COBLL1: variants seen among roughly 807,000 people sequenced by gnomAD.
The protein encoded by COBLL1 is cordon-bleu protein-like 1.
COBLL1 carries 50 observed loss-of-function variants against 94.8 expected under a neutral mutation model. The ratio of observed to expected loss-of-function variants is 0.53; its 90% confidence interval spans 0.42 to 0.67. The LOEUF is 0.67. COBLL1 is among the 30% of genes least tolerant of loss of function. COBLL1 has a pLI of 0.00. For missense variants in COBLL1, 1,362 were observed against 1,348.7 expected, an observed-to-expected ratio of 1.01 and a Z score of -0.15; for synonymous variants, 448 against 473.8, an observed-to-expected ratio of 0.95 and a Z score of 0.71.
rs557323956 is a variant in COBLL1, at chr2:164,810,687, T to C, written c.41+30469A>G. Reference sequence around the variant, plus strand: ...TTACTATTGAATTTTATTCAAGTTCTCTAAAGGGAATTCAGATATCAGAGA... The same window carrying C: ...TTACTATTGAATTTTATTCAAGTTCCCTAAAGGGAATTCAGATATCAGAGA... On this transcript the variant is annotated intron_variant, in intron 2 of 13. Coordinates refer to ENST00000652658, the MANE Select transcript of COBLL1 (RefSeq NM_001365672.2). 3.3e-5 allele frequency among the ~76,000 whole-genome samples: 5 copies of C among 151,892 alleles called. No homozygotes were observed. The East Asian group carries it at 9.6e-4, about 29-fold the overall frequency.
intron 2 of COBLL1, chr2:164,779,701 C>G: frequency 2.1e-6 from 1 of 471,020 alleles, no homozygotes; most frequent in Non-Finnish European, 4.4e-6. Context: ...AAAAAGTCCC[C>G]TTTTAGCTCC....
chr2:164,792,272 G>C (rs972728980), intron 2 of COBLL1, among the ~76,000 whole-genome samples: 1 of 151,952 alleles, frequency 6.6e-6, no homozygotes, highest in African/African-American at 2.4e-5. Flanking sequence ...GGAACTACAG[G>C]TGTGCACCAC....
intron 3 of COBLL1, among the ~76,000 whole-genome samples, chr2:164,740,185 A>G (rs62173941): frequency 0.1 from 15,821 of 152,168 alleles, 1,139 homozygotes; most frequent in Non-Finnish European, 0.15. Context: ...CAACATGGGG[A>G]AATCCCATCT....
At chr2:164,671,719 T>C (rs950520030) in intron 1 of COBLL1, among the ~76,000 whole-genome samples, 4 of 152,102 alleles carry the variant, frequency 2.6e-5, no homozygotes, top group African/African-American at 9.7e-5. Context: ...AAGCACGTTA[T>C]GAAGATTTTT....
At chr2:164,761,119 C>T (rs917135990) in intron 2 of COBLL1, among the ~76,000 whole-genome samples, 2 of 152,000 alleles carry the variant, frequency 1.3e-5, no homozygotes, top group Non-Finnish European at 2.9e-5. Flanking sequence ...TTTAATAATG[C>T]AAATACTGGC....
At chr2:164,791,016 T>C (rs552436989) in intron 2 of COBLL1, among the ~76,000 whole-genome samples, 85 of 152,328 alleles carry the variant, frequency 5.6e-4, no homozygotes, top group Non-Finnish European at 8.5e-4. Context: ...TGCATCTAAA[T>C]TAGTTTCCAT....
Position 164,682,077 on chromosome 2 carries a change from T to A in COBLL1, c.*3869A>T, listed in dbSNP as rs1450232247. On this transcript the variant is annotated 3_prime_UTR_variant, in exon 14 of 14. Coordinates refer to ENST00000652658, the MANE Select transcript of COBLL1 (RefSeq NM_001365672.2). ...TTTCTTCATCATTTGCTACATTTAG[T>A]CATGGGGAAGAACAAATTAGTAATT... is the stretch of plus-strand genomic sequence containing the variant. The A allele has an allele frequency of 6.6e-6, 1 of 152,174 alleles. No homozygotes were observed. Among genetic ancestry groups the A allele is most frequent in the Non-Finnish European group, 1.5e-5 (1 of 68,034 alleles). 9.4% of individuals were successfully genotyped at this position (152,174 alleles called of 1,614,324 possible).
At chr2:164,818,456 G>A (rs1054733293) in intron 2 of COBLL1, among the ~76,000 whole-genome samples, 5 of 148,576 alleles carry the variant, frequency 3.4e-5, no homozygotes, top group Non-Finnish European at 5.9e-5. Flanking sequence ...TATTTACATT[G>A]TATACATATA....
intron 2 of COBLL1, among the ~76,000 whole-genome samples, chr2:164,660,368 T>C (rs1691051520): frequency 1.3e-5 from 2 of 152,164 alleles, no homozygotes; most frequent in African/African-American, 2.4e-5. Flanking sequence ...TGGGGGAAAG[T>C]AGAGTTATTG....
chr2:164,676,293 A>AAC (rs539516352), downstream of COBLL1, among the ~76,000 whole-genome samples: 216 of 151,796 alleles, frequency 1.4e-3, no homozygotes, highest in Admixed American at 2.4e-3. Flanking sequence ...CACACATATA[A>AAC]ACACACACAC....
chr2:164,741,950 G>C (rs1364717657), intron 3 of COBLL1, among the ~76,000 whole-genome samples: 1 of 152,092 alleles, frequency 6.6e-6, no homozygotes, highest in Non-Finnish European at 1.5e-5. Context: ...TGTTTAAAAA[G>C]CTGGTATTCA....
At chr2:164,804,889 C>A (rs1390237656) in intron 2 of COBLL1, among the ~76,000 whole-genome samples, 4 of 152,172 alleles carry the variant, frequency 2.6e-5, no homozygotes, top group Non-Finnish European at 4.4e-5. Flanking sequence ...GACCCACAAA[C>A]TGAGTAACAT....
chr2:164,790,072 A>G (rs1473459509), intron 2 of COBLL1, among the ~76,000 whole-genome samples: 1 of 152,210 alleles, frequency 6.6e-6, no homozygotes. Context: ...ATGTTGTTTC[A>G]TTATAATATT....
intron 12 of COBLL1, 103 bp downstream of exon 12, chr2:164,694,166 T>C (rs1558923840): frequency 1.7e-5 from 19 of 1,094,660 alleles, no homozygotes; most frequent in Non-Finnish European, 2.5e-5. Flanking sequence ...CAGATGAATA[T>C]GAGTTCAGAG....
At chr2:164,730,636 T>C (rs186547950) in intron 3 of COBLL1, among the ~76,000 whole-genome samples, 1 of 152,340 alleles carries the variant, frequency 6.6e-6, no homozygotes, top group East Asian at 1.9e-4. Context: ...TAGATCCTAG[T>C]GTCAGTTCAA....
Position 164,692,320 on chromosome 2 carries a change from T to C in COBLL1, c.3201A>G (p.Arg1067=). ...PTDGPSFTVM[R]QSSLTFQSSD... ...AGCTTTGGAATGTTAAAGAACTTTG[T>C]CTCATAACAGTGAATGATGGGCCAT... Residue 1067 remains arginine, a synonymous_variant, in exon 13 of 14, where the codon AGA becomes AGG. Transcript: ENST00000652658. 1 of 1,613,662 alleles carries C rather than the reference T, an allele frequency of 6.2e-7. No homozygotes were observed. Among genetic ancestry groups the C allele is most frequent in the African/African-American group, 1.3e-5 (1 of 75,022 alleles).
chr2:164,669,341 A>C (rs1343482262), intron 1 of COBLL1, among the ~76,000 whole-genome samples: 3 of 152,218 alleles, frequency 2.0e-5, no homozygotes, highest in Non-Finnish European at 4.4e-5. Flanking sequence ...AGCCTTTTGG[A>C]TGAGATCAAG....
chr2:164,779,661 G>A, intron 2 of COBLL1: 1 of 470,824 alleles, frequency 2.1e-6, no homozygotes, highest in Non-Finnish European at 4.4e-6. Flanking sequence ...TCACCTTACG[G>A]CAGGGATATT....
At chr2:164,833,963 T>C (rs925465356) in intron 2 of COBLL1, among the ~76,000 whole-genome samples, 26 of 152,324 alleles carry the variant, frequency 1.7e-4, no homozygotes, top group African/African-American at 5.8e-4. Context: ...TCCTCAGATA[T>C]GAAGTTTGTA....
Sources: allele counts gnomAD v4.1 joint callset (sites outside exome capture counted in the v4.1 genomes callset), GRCh38; gene constraint gnomAD v4.1.1; transcripts MANE v1.5; gene names NCBI Gene and HGNC (gene_info 2026-07-23, HGNC 2026-07-21).